The following NR5A2 variants were observed in gnomAD, a reference collection of about 807,000 sequenced individuals.
NR5A2 encodes the protein nuclear receptor subfamily 5 group A member 2, also known as CYP7A promoter-binding factor.
A neutral mutation model predicts 62.7 loss-of-function variants in NR5A2; 26 were observed. The observed-to-expected ratio is 0.41, with a 90% confidence interval of 0.30 to 0.58. The LOEUF (loss-of-function observed/expected upper bound fraction) is 0.58, where lower values mean the gene tolerates loss of function less well. Ranked by LOEUF, NR5A2 falls within the 20% of genes least tolerant of loss-of-function variation. The probability of loss-of-function intolerance (pLI) is 0.22; values close to 1 mark genes in which losing one functional copy is unlikely to be tolerated. For missense variants in NR5A2, 541 were observed against 669.1 expected (o/e 0.81, Z 2.11); for synonymous variants, 246 against 241.7 (o/e 1.02, Z -0.16).
At chr1:200,096,860 G>GAT (rs1294508866) in intron 5 of NR5A2, among the ~76,000 whole-genome samples, 1 of 152,170 alleles carries the variant, frequency 6.6e-6, no homozygotes, top group African/African-American at 2.4e-5. Flanking sequence ...GCCCAGGAGC[G>GAT]ATAGACTATT....
intron 7 of NR5A2, among the ~76,000 whole-genome samples, chr1:200,172,857 T>C (rs560902982): frequency 6.6e-6 from 1 of 152,002 alleles, no homozygotes; most frequent in East Asian, 1.9e-4. Flanking sequence ...CCATATTCTC[T>C]TTCTTATTTA....
At chr1:200,151,101 A>G (rs1254489854) in intron 7 of NR5A2, among the ~76,000 whole-genome samples, 1 of 152,152 alleles carries the variant, frequency 6.6e-6, no homozygotes, top group Non-Finnish European at 1.5e-5. Flanking sequence ...TGGGAGGAAA[A>G]TGGTCTCCTT....
intron 5 of NR5A2, among the ~76,000 whole-genome samples, chr1:200,109,469 C>T (rs1236916406): frequency 1.3e-5 from 2 of 152,226 alleles, no homozygotes; most frequent in Non-Finnish European, 2.9e-5. Context: ...AAATATAAGG[C>T]TGGAGAATTA....
chr1:200,113,036 G>A (rs1666034856), intron 6 of NR5A2, among the ~76,000 whole-genome samples: 1 of 152,154 alleles, frequency 6.6e-6, no homozygotes, highest in East Asian at 1.9e-4. Context: ...TTAAAAAATA[G>A]AGAAAAGTGC....
rs553426917 is a variant in NR5A2, at chr1:200,118,970, G to A, written c.1231-1838G>A. On this transcript the variant is annotated intron_variant, in intron 6 of 7. Coordinates refer to ENST00000367362, the MANE Select transcript of NR5A2 (RefSeq NM_205860.3). ...AACACTTGATGTTTAAATTTAGTGC[G>A]TAGATGCCAGCACCTGGCTAAAGCA... Among the ~76,000 whole-genome samples, 7 of 152,318 alleles carry A rather than the reference G, an allele frequency of 4.6e-5. No homozygotes were observed. The East Asian group carries it at 7.7e-4, about 17-fold the overall frequency.
At chr1:200,125,609 G>A (rs777122352) in intron 7 of NR5A2, among the ~76,000 whole-genome samples, 2 of 152,156 alleles carry the variant, frequency 1.3e-5, no homozygotes, top group Non-Finnish European at 2.9e-5. Flanking sequence ...TTGAAGAGTT[G>A]CTTGTTTCAT....
intron 4 of NR5A2, among the ~76,000 whole-genome samples, chr1:200,047,508 G>A (rs562393956): frequency 1.1e-3 from 168 of 152,062 alleles, no homozygotes; most frequent in South Asian, 0.01. Flanking sequence ...TTTCCATAAG[G>A]AACTGGCATA....
At chr1:200,057,021 T>A (rs1383083195) in intron 5 of NR5A2, among the ~76,000 whole-genome samples, 1 of 152,222 alleles carries the variant, frequency 6.6e-6, no homozygotes, top group East Asian at 1.9e-4. Flanking sequence ...TTGTTCCTGT[T>A]CTGATGAGGA....
chr1:200,108,686 A>T (rs954538354), intron 5 of NR5A2, among the ~76,000 whole-genome samples: 2 of 152,232 alleles, frequency 1.3e-5, no homozygotes, highest in African/African-American at 4.8e-5. Context: ...ACTTCACATC[A>T]CAGAACAACA....
intron 7 of NR5A2, among the ~76,000 whole-genome samples, chr1:200,165,685 G>T (rs1039634544): frequency 9.9e-5 from 15 of 152,084 alleles, no homozygotes; most frequent in African/African-American, 3.4e-4. Context: ...CCAACAGCTC[G>T]TTTCATTTTA....
At chr1:200,157,383 A>ATAGTCT (rs1653436081) in intron 7 of NR5A2, among the ~76,000 whole-genome samples, 1 of 152,102 alleles carries the variant, frequency 6.6e-6, no homozygotes, top group African/African-American at 2.4e-5. Context: ...TGGTCACCAC[A>ATAGTCT]TAGTCTTAGT....
At chr1:200,154,281 C>T (rs940669422) in intron 7 of NR5A2, among the ~76,000 whole-genome samples, 1 of 152,158 alleles carries the variant, frequency 6.6e-6, no homozygotes, top group Non-Finnish European at 1.5e-5. Context: ...GCCAGCCTCA[C>T]AGATGGTGTT....
chr1:200,045,481 C>T lies in NR5A2; in HGVS notation c.360C>T (p.Tyr120=), dbSNP rs1558101541. Residue 120 remains tyrosine, a synonymous_variant, in exon 4 of 8, where the codon TAC becomes TAT. Transcript: ENST00000367362. The part of the protein sequence containing the change: ...FKRTVQNNKR[Y]TCIENQNCQI... ...GAACAGTCCAAAATAATAAAAGGTACACATGTATAGAAAACCAGAACTGCC... is the reference window on the plus strand; with the variant it reads ...GAACAGTCCAAAATAATAAAAGGTATACATGTATAGAAAACCAGAACTGCC... The T allele has an allele frequency of 3.1e-6, 5 of 1,612,258 alleles. No homozygotes were observed. The highest frequency in any genetic ancestry group is 1.7e-4 in the Middle Eastern group (1 of 6,056).
intron 5 of NR5A2, among the ~76,000 whole-genome samples, chr1:200,102,217 T>G (rs2816988): frequency 0.47 from 71,495 of 152,096 alleles, 17,167 homozygotes; most frequent in African/African-American, 0.56. Flanking sequence ...TGAAAGAATT[T>G]TTAAAATTTT....
At chr1:200,063,594 T>C (rs1248204746) in intron 5 of NR5A2, among the ~76,000 whole-genome samples, 1 of 152,202 alleles carries the variant, frequency 6.6e-6, no homozygotes, top group Non-Finnish European at 1.5e-5. Context: ...AATAACTTCA[T>C]TTCAGTCATA....
intron 7 of NR5A2, among the ~76,000 whole-genome samples, chr1:200,169,240 T>C (rs987747948): frequency 6.6e-6 from 1 of 151,934 alleles, no homozygotes; most frequent in Non-Finnish European, 1.5e-5. Flanking sequence ...ACAATAATAT[T>C]AGTAATTTTT....
intron 1 of NR5A2, among the ~76,000 whole-genome samples, chr1:200,032,135 C>T (rs1320189344): frequency 1.3e-5 from 2 of 152,154 alleles, no homozygotes; most frequent in East Asian, 1.9e-4. Context: ...CTAGAGTCTA[C>T]CTTAGGATAG....
chr1:200,127,171 T>C (rs1666740073), intron 7 of NR5A2, among the ~76,000 whole-genome samples: 1 of 152,196 alleles, frequency 6.6e-6, no homozygotes, highest in African/African-American at 2.4e-5. Context: ...TAACCCCAAA[T>C]GACAGTCAGT....
chr1:200,109,227 G>C (rs1437766553), intron 5 of NR5A2, among the ~76,000 whole-genome samples: 1 of 152,158 alleles, frequency 6.6e-6, no homozygotes, highest in East Asian at 1.9e-4. Context: ...ATTTCTGATG[G>C]AGATGTGCTG....
Sources: gnomAD v4.1 joint callset for allele counts (sites outside exome capture counted in the v4.1 genomes callset) on GRCh38, gnomAD v4.1.1 for gene constraint, MANE v1.5 for transcripts, NCBI Gene and HGNC (gene_info 2026-07-23, HGNC 2026-07-21) for gene names.